Variants in RCAN2 observed in about 807,000 individuals in gnomAD.
RCAN2 encodes regulator of calcineurin 2, also known as calcipressin-2.
RCAN2 carries 9 observed loss-of-function variants against 23.6 expected under a neutral mutation model. The observed-to-expected ratio is 0.38, with a 90% CI of 0.23 to 0.67. The LOEUF (loss-of-function observed/expected upper bound fraction) is 0.67, where lower values mean the gene tolerates loss of function less well. RCAN2 is among the 30% of genes least tolerant of loss of function. The pLI, the probability that RCAN2 is intolerant of heterozygous loss-of-function variation, is 0.51. For synonymous variants in RCAN2, 109 were observed against 115.7 expected, an observed-to-expected ratio of 0.94 and a Z score of 0.37; for missense variants, 273 against 302.3, an observed-to-expected ratio of 0.90 and a Z score of 0.72.
At chr6:46,397,402 C>T (rs933931614) in intron 2 of RCAN2, among the ~76,000 whole-genome samples, 3 of 151,312 alleles carry the variant, frequency 2.0e-5, no homozygotes, top group African/African-American at 7.3e-5. Flanking sequence ...CACACACACA[C>T]ACACCACAGT....
At chr6:46,383,655 T>C (rs1765667810) in intron 2 of RCAN2, among the ~76,000 whole-genome samples, 1 of 152,182 alleles carries the variant, frequency 6.6e-6, no homozygotes, top group Non-Finnish European at 1.5e-5. Flanking sequence ...TAAAATAAAA[T>C]ACCATTTAAA....
intron 2 of RCAN2, among the ~76,000 whole-genome samples, chr6:46,360,576 A>G (rs1008574630): frequency 2.7e-5 from 4 of 148,832 alleles, no homozygotes; most frequent in Admixed American, 6.7e-5. Context: ...CTTGATGTAG[A>G]TAAGAGAGGG....
intron 2 of RCAN2, among the ~76,000 whole-genome samples, chr6:46,275,084 G>T (rs1767648291): frequency 6.6e-6 from 1 of 151,876 alleles, no homozygotes; most frequent in African/African-American, 2.4e-5. Flanking sequence ...ATGTATAAGG[G>T]TTTCATTTTA....
chr6:46,270,277 G>C (rs1483739556), intron 2 of RCAN2, among the ~76,000 whole-genome samples: 1 of 152,184 alleles, frequency 6.6e-6, no homozygotes, highest in Non-Finnish European at 1.5e-5. Context: ...CGCTGACTCT[G>C]AGGGCTGCAG....
intron 2 of RCAN2, among the ~76,000 whole-genome samples, chr6:46,399,062 C>A (rs1294979887): frequency 3.3e-5 from 5 of 152,148 alleles, no homozygotes; most frequent in African/African-American, 1.2e-4. Context: ...TTTCAGACTG[C>A]ACATTCCTCA....
intron 2 of RCAN2, among the ~76,000 whole-genome samples, chr6:46,266,432 G>T (rs1186270474): frequency 6.6e-6 from 1 of 152,156 alleles, no homozygotes; most frequent in Non-Finnish European, 1.5e-5. Context: ...GGAACACATT[G>T]GGTAGGTGGG....
chr6:46,371,589 G>A (rs1015932313), intron 2 of RCAN2, among the ~76,000 whole-genome samples: 2 of 152,216 alleles, frequency 1.3e-5, no homozygotes, highest in Non-Finnish European at 1.5e-5. Flanking sequence ...TCAAATAACA[G>A]AATACTCTAC....
Position 46,482,710 on chromosome 6 carries a change from C to A in RCAN2, c.-3+8463G>T, listed in dbSNP as rs527493777. Among the ~76,000 whole-genome samples the A allele has an allele frequency of 5.3e-5, 8 of 152,306 alleles. No individual in the cohort carries two copies. The South Asian group carries it at 1.5e-3, about 28-fold the overall frequency. Reference sequence around the variant, plus strand: ...AAAATAACCTTCTCATAGTATCACACCTTGGCTTGAACTGTAAGCCAATAG... The same window carrying A: ...AAAATAACCTTCTCATAGTATCACAACTTGGCTTGAACTGTAAGCCAATAG... On this transcript the variant is annotated intron_variant, in intron 1 of 4. Coordinates refer to ENST00000371374, the MANE Select transcript of RCAN2 (RefSeq NM_001251974.2).
intron 2 of RCAN2, among the ~76,000 whole-genome samples, chr6:46,441,470 T>A (rs1767544693): frequency 6.6e-6 from 1 of 152,226 alleles, no homozygotes; most frequent in Non-Finnish European, 1.5e-5. Flanking sequence ...TAGACCATCA[T>A]ATGACACAGT....
intron 2 of RCAN2, among the ~76,000 whole-genome samples, chr6:46,263,485 G>GTGTGTGTATGTGTGTA (rs1561833907): frequency 2.7e-4 from 39 of 144,982 alleles, no homozygotes; most frequent in Non-Finnish European, 4.9e-4. Context: ...ATGTGTGTGT[G>GTGTGTGTATGTGTGTA]TGTGTGTGTA....
intron 4 of RCAN2, among the ~76,000 whole-genome samples, chr6:46,246,210 A>T (rs1271801818): frequency 6.6e-6 from 1 of 152,206 alleles, no homozygotes; most frequent in Non-Finnish European, 1.5e-5. Flanking sequence ...AATCAGAGCT[A>T]CATATGCCAA....
intron 2 of RCAN2, among the ~76,000 whole-genome samples, chr6:46,369,226 G>T (rs1410884883): frequency 6.6e-6 from 1 of 152,062 alleles, no homozygotes; most frequent in Non-Finnish European, 1.5e-5. Flanking sequence ...ACATGGCACT[G>T]TCATCTCCTA....
At chr6:46,240,754 G>A (rs1399874567) in intron 4 of RCAN2, among the ~76,000 whole-genome samples, 1 of 152,136 alleles carries the variant, frequency 6.6e-6, no homozygotes, top group Admixed American at 6.5e-5. Context: ...AATAGAAAAT[G>A]TTTCTTTAGT....
At chr6:46,383,784 G>T (rs9395184) in intron 2 of RCAN2, among the ~76,000 whole-genome samples, 1 of 152,032 alleles carries the variant, frequency 6.6e-6, no homozygotes, top group Non-Finnish European at 1.5e-5. Context: ...AGAAAGTTCT[G>T]ATGGGCAGTA....
chr6:46,250,521 A>G (rs1259465573), intron 2 of RCAN2, among the ~76,000 whole-genome samples: 1 of 152,220 alleles, frequency 6.6e-6, no homozygotes, highest in Non-Finnish European at 1.5e-5. Context: ...TGGACTTAAG[A>G]GATGATGAAC....
At chr6:46,367,029 A>G (rs1332497524) in intron 2 of RCAN2, among the ~76,000 whole-genome samples, 1 of 112,242 alleles carries the variant, frequency 8.9e-6, no homozygotes, top group African/African-American at 3.3e-5. Flanking sequence ...ATGGATATAT[A>G]TATATATATA....
At chr6:46,333,180 TAAGTTC>T (rs1764038889) in intron 2 of RCAN2, among the ~76,000 whole-genome samples, 1 of 152,168 alleles carries the variant, frequency 6.6e-6, no homozygotes, top group South Asian at 2.1e-4. Flanking sequence ...TAAATTTGTT[TAAGTTC>T]ATTGTAGATT....
intron 2 of RCAN2, among the ~76,000 whole-genome samples, chr6:46,446,296 G>T (rs1364699871): frequency 6.8e-6 from 1 of 147,792 alleles, no homozygotes; most frequent in Non-Finnish European, 1.5e-5. Flanking sequence ...GAGGCAGGGT[G>T]TGTGTGTGGG....
intron 4 of RCAN2, among the ~76,000 whole-genome samples, chr6:46,239,248 A>G (rs2150312876): frequency 6.6e-6 from 1 of 152,356 alleles, no homozygotes; most frequent in South Asian, 2.1e-4. Context: ...CTGCCTATTC[A>G]CAAGCTCAAT....
Sources: gnomAD v4.1 joint callset for allele counts (sites outside exome capture counted in the v4.1 genomes callset) on GRCh38, gnomAD v4.1.1 for gene constraint, MANE v1.5 for transcripts, NCBI Gene and HGNC (gene_info 2026-07-23, HGNC 2026-07-21) for gene names.